The following SAMSN1 variants were observed in gnomAD, a reference collection of about 807,000 sequenced individuals.
SAMSN1 encodes SAM domain-containing protein SAMSN-1.
SAMSN1 carries 31 observed loss-of-function variants against 42.0 expected under a neutral mutation model. That is an observed-to-expected ratio of 0.74 (90% CI 0.55 to 1.00). The LOEUF (loss-of-function observed/expected upper bound fraction) is 1.00, where lower values mean the gene tolerates loss of function less well. Among genes scored for constraint, SAMSN1 ranks in the 50% least tolerant of loss-of-function variants. SAMSN1 has a pLI of 0.00. For missense variants in SAMSN1, 464 were observed against 439.4 expected (o/e 1.06, Z -0.50); for synonymous variants, 178 against 151.9 (o/e 1.17, Z -1.26).
At position 14,596,193 on chromosome 21, in the gene SAMSN1, C is replaced by T. The variant is rs78741054; in HGVS notation, c.400-2115G>A. On this transcript the variant is annotated intron_variant, in intron 6 of 15. Coordinates refer to the SAMSN1 transcript ENST00000647101. ...CAATATGATCTTAATTTTATTTCAC[C>T]GGAAACAAGAGATTTGCATTCCATT... Among the ~76,000 whole-genome samples the T allele has an allele frequency of 2.3e-3, 345 of 152,104 alleles. 6 individuals are homozygous for T. In the East Asian group the frequency reaches 0.034, roughly 15 times the overall value.
At chr21:14,571,374 G>A (rs1981294739) in intron 2 of SAMSN1, among the ~76,000 whole-genome samples, 2 of 152,120 alleles carry the variant, frequency 1.3e-5, no homozygotes, top group Admixed American at 6.6e-5. Context: ...CTGGGGTTGG[G>A]CTTGAGGTGA....
At chr21:14,543,372 G>A (rs1241374590) in intron 1 of SAMSN1, among the ~76,000 whole-genome samples, 1 of 151,930 alleles carries the variant, frequency 6.6e-6, no homozygotes, top group East Asian at 1.9e-4. Flanking sequence ...CACTACACAT[G>A]GTAAAACTGT....
chr21:14,640,994 T>C (rs559707755), intron 2 of SAMSN1, among the ~76,000 whole-genome samples: 2 of 97,294 alleles, frequency 2.1e-5, no homozygotes, highest in Admixed American at 2.6e-4. Flanking sequence ...GTTTGGTTTT[T>C]ATGCATATTT....
intron 2 of SAMSN1, among the ~76,000 whole-genome samples, chr21:14,621,778 G>A (rs982485735): frequency 6.6e-6 from 1 of 152,204 alleles, no homozygotes; most frequent in African/African-American, 2.4e-5. Context: ...AGAGAGTAGT[G>A]GTTCTCTCAG....
chr21:14,645,015 C>G (rs1983685589), intron 1 of SAMSN1, among the ~76,000 whole-genome samples: 1 of 152,144 alleles, frequency 6.6e-6, no homozygotes, highest in African/African-American at 2.4e-5. Context: ...ACCAGGTAGA[C>G]TTCTAATGTT....
chr21:14,517,717 T>G (rs1226201159), intron 2 of SAMSN1, among the ~76,000 whole-genome samples: 1 of 152,208 alleles, frequency 6.6e-6, no homozygotes, highest in Non-Finnish European at 1.5e-5. Flanking sequence ...CTTAGGAATT[T>G]TGTTAAACCA....
At chr21:14,584,575 T>C (rs891370059), upstream of SAMSN1, among the ~76,000 whole-genome samples, 1 of 152,208 alleles carries the variant, frequency 6.6e-6, no homozygotes, top group African/African-American at 2.4e-5. Context: ...AAATTAACTC[T>C]TTGTGTGCTA....
At chr21:14,540,893 T>A (rs925250683) in intron 1 of SAMSN1, among the ~76,000 whole-genome samples, 7 of 152,136 alleles carry the variant, frequency 4.6e-5, no homozygotes, top group East Asian at 1.9e-4. Flanking sequence ...CAAATGTCCA[T>A]CAATGATAGA....
chr21:14,566,480 G>C (rs192281603), intron 2 of SAMSN1, among the ~76,000 whole-genome samples: 1 of 151,914 alleles, frequency 6.6e-6, no homozygotes, highest in Non-Finnish European at 1.5e-5. Flanking sequence ...ATTTTACAAA[G>C]GTAAAGGCAG....
Position 14,500,578 on chromosome 21 carries a change from C to T in SAMSN1, c.719G>A (p.Ser240Asn). The T allele has an allele frequency of 6.2e-7, 1 of 1,614,124 alleles. No homozygotes were observed. Among genetic ancestry groups the T allele is most frequent in the East Asian group, 2.2e-5 (1 of 44,872 alleles). ...CTCCTGCAGAGTCTTGGATTTTTTG[C>T]TGTTACTCCTTCGGTTTGCCTTTAT... ...KKIKANRRSN[S>N]KKSKTLQEFL... The change falls in exon 6 of 8, where the codon AGC becomes AAC. Residue 240 changes from serine (S) to asparagine (N), a missense_variant. Ser to Asn is a conservative substitution (Grantham distance 46). Transcript: ENST00000400566.
At chr21:14,544,746 A>G (rs1279563238) in intron 1 of SAMSN1, among the ~76,000 whole-genome samples, 1 of 152,180 alleles carries the variant, frequency 6.6e-6, no homozygotes, top group Non-Finnish European at 1.5e-5. Flanking sequence ...CCAAATGATG[A>G]TGATGGAGTA....
At chr21:14,502,096 GC>G (rs1248330327) in intron 5 of SAMSN1, among the ~76,000 whole-genome samples, 2 of 152,142 alleles carry the variant, frequency 1.3e-5, no homozygotes, top group Non-Finnish European at 2.9e-5. Flanking sequence ...AACAAACTAA[GC>G]ATCAAGCCTG....
chr21:14,564,398 C>A (rs1434917007), intron 2 of SAMSN1, among the ~76,000 whole-genome samples: 2 of 152,160 alleles, frequency 1.3e-5, no homozygotes, highest in South Asian at 2.1e-4. Context: ...TAGATTACTG[C>A]ATCTCACTAA....
At chr21:14,575,274 T>C (rs1331894428) in intron 2 of SAMSN1, among the ~76,000 whole-genome samples, 1 of 152,228 alleles carries the variant, frequency 6.6e-6, no homozygotes, top group African/African-American at 2.4e-5. Context: ...AATTTCATCA[T>C]GTAAAATTGT....
intron 6 of SAMSN1, among the ~76,000 whole-genome samples, chr21:14,601,072 C>T (rs1439141351): frequency 2.0e-5 from 3 of 152,132 alleles, no homozygotes; most frequent in African/African-American, 7.2e-5. Flanking sequence ...CAGAGAGAGT[C>T]TAAGTAAATT....
intron 2 of SAMSN1, among the ~76,000 whole-genome samples, chr21:14,552,788 C>G (rs536412990): frequency 4.9e-4 from 74 of 152,232 alleles, no homozygotes; most frequent in African/African-American, 1.6e-3. Context: ...ATTTCTATTT[C>G]TAAAGAGCGT....
chr21:14,544,013 C>T (rs1980218498), intron 1 of SAMSN1, among the ~76,000 whole-genome samples: 1 of 152,076 alleles, frequency 6.6e-6, no homozygotes, highest in East Asian at 1.9e-4. Context: ...TTCTATGAGC[C>T]TTTTATTTGT....
At chr21:14,540,403 C>T (rs190989517) in intron 1 of SAMSN1, among the ~76,000 whole-genome samples, 76 of 152,112 alleles carry the variant, frequency 5.0e-4, no homozygotes, top group East Asian at 3.3e-3. Context: ...TCTGACAAAG[C>T]GCTAATATCC....
At chr21:14,613,847 A>G (rs1052760028) in intron 3 of SAMSN1, among the ~76,000 whole-genome samples, 1 of 152,038 alleles carries the variant, frequency 6.6e-6, no homozygotes, top group African/African-American at 2.4e-5. Flanking sequence ...TACTTTATAT[A>G]TATTTGAATC....
Sources: allele counts gnomAD v4.1 joint callset (sites outside exome capture counted in the v4.1 genomes callset), GRCh38; gene constraint gnomAD v4.1.1; transcripts MANE v1.5; gene names NCBI Gene and HGNC (gene_info 2026-07-23, HGNC 2026-07-21).